The following OSER1 variants were observed in gnomAD, a reference collection of about 807,000 sequenced individuals.
OSER1 encodes oxidative stress responsive serine rich 1, also known as oxidative stress-responsive serine-rich protein 1.
A neutral mutation model predicts 26.3 loss-of-function variants in OSER1; 15 were observed. The observed-to-expected ratio is 0.57, with a 90% CI of 0.38 to 0.88. The LOEUF (loss-of-function observed/expected upper bound fraction) is 0.88. Ranked by LOEUF, OSER1 falls within the 40% of genes least tolerant of loss-of-function variation. OSER1 has a pLI of 0.00. For synonymous variants in OSER1, 127 were observed against 128.2 expected, an observed-to-expected ratio of 0.99 and a Z score of 0.07; for missense variants, 313 against 353.9, an observed-to-expected ratio of 0.88 and a Z score of 0.93.
chr20:44,210,781 C>G (rs2073098151), upstream of OSER1: 1 of 152,548 alleles, frequency 6.6e-6, no homozygotes, highest in South Asian at 2.1e-4. Context: ...TGACCCGGAT[C>G]CAAACCAGCC....
chr20:44,201,537 T>C (rs2072982451), intron 3 of OSER1, among the ~76,000 whole-genome samples: 1 of 152,126 alleles, frequency 6.6e-6, no homozygotes, highest in South Asian at 2.1e-4. Flanking sequence ...GGTGAAAGCA[T>C]GGTGAGGAAA....
rs1569233558 is a variant in OSER1 at position 44,196,793 on chromosome 20, TG to T, written c.*258del. 7.7e-6 allele frequency: 3 copies of T among 388,446 alleles called. No homozygotes were observed. Among genetic ancestry groups the T allele is most frequent in the African/African-American group, 6.0e-5 (3 of 49,800 alleles). The allele number at this position is 388,446 out of a possible 1,614,324, so 24.1% of individuals were successfully genotyped here. A position where few individuals can be genotyped will look rare whatever the true frequency, so the allele number is the denominator to read the frequency against. On this transcript the variant is annotated 3_prime_UTR_variant, in exon 4 of 4. Coordinates refer to ENST00000255174, the MANE Select transcript of OSER1 (RefSeq NM_016470.8). ...CACTGCTGCCAGTCTCAAGTAATTA[TG>T]GTTTCTTCATCCCCCAGGAACATTT...
chr20:44,210,986 T>C (rs1247671177), upstream of OSER1: 3 of 152,240 alleles, frequency 2.0e-5, no homozygotes, highest in African/African-American at 7.2e-5. Context: ...CCTTACGTAA[T>C]TTCCTGTTAT....
Position 44,197,580 on chromosome 20 carries a change from G to A in OSER1, c.351C>T (p.Gly117=), listed in dbSNP as rs774678227. ...GGGATGAAATTCCCAGCCCACTGCT[G>A]CCATCAGGTGAGTCAGTCTGGCTTT... ...KHKSQTDSPD[G]SSGLGISSPK... is the part of the protein sequence containing the mutation. Residue 117 remains glycine, a synonymous_variant, in exon 4 of 4, where the codon GGC becomes GGT. Transcript: ENST00000255174. 2.4e-5 allele frequency: 38 copies of A among 1,614,088 alleles called. No homozygotes were observed. Among genetic ancestry groups the A allele is most frequent in the Non-Finnish European group, 3.1e-5 (36 of 1,180,040 alleles).
chr20:44,198,286 T>C (rs1168483872), intron 3 of OSER1, among the ~76,000 whole-genome samples: 1 of 152,192 alleles, frequency 6.6e-6, no homozygotes, highest in East Asian at 1.9e-4. Flanking sequence ...TTTCAGATAC[T>C]GGGAATTACT....
At chr20:44,205,746 C>T (rs938116675) in intron 2 of OSER1, among the ~76,000 whole-genome samples, 1 of 151,930 alleles carries the variant, frequency 6.6e-6, no homozygotes, top group Non-Finnish European at 1.5e-5. Flanking sequence ...CAAGACCATC[C>T]TGGCTAACAC....
intron 1 of OSER1, chr20:44,207,233 T>C (rs1322632185): frequency 3.9e-6 from 1 of 255,662 alleles, no homozygotes; most frequent in Non-Finnish European, 7.4e-6. Flanking sequence ...AAAATCCTAT[T>C]ACACAATTTT....
chr20:44,200,763 C>T (rs564013044), intron 3 of OSER1, among the ~76,000 whole-genome samples: 1 of 152,318 alleles, frequency 6.6e-6, no homozygotes, highest in African/African-American at 2.4e-5. Flanking sequence ...ATAAGAGACA[C>T]TCTGTAGCAA....
At chr20:44,208,882 C>T (rs992827139) in intron 1 of OSER1, among the ~76,000 whole-genome samples, 1 of 152,224 alleles carries the variant, frequency 6.6e-6, no homozygotes, top group Non-Finnish European at 1.5e-5. Flanking sequence ...CTCTGGAAAT[C>T]AGTCAGCATT....
chr20:44,208,421 C>CT (rs1555868008), intron 1 of OSER1, among the ~76,000 whole-genome samples: 11 of 85,210 alleles, frequency 1.3e-4, no homozygotes, highest in Admixed American at 9.5e-4. Context: ...AATTCAGCTA[C>CT]TAAAAAAAAA....
At chr20:44,199,349 C>T (rs35333403) in intron 3 of OSER1, among the ~76,000 whole-genome samples, 3 of 152,148 alleles carry the variant, frequency 2.0e-5, no homozygotes, top group African/African-American at 7.2e-5. Context: ...GCCGGTTTGG[C>T]TACTTCTCAC....
At chr20:44,205,678 C>T (rs1256292230) in intron 2 of OSER1, among the ~76,000 whole-genome samples, 4 of 152,110 alleles carry the variant, frequency 2.6e-5, no homozygotes, top group Non-Finnish European at 5.9e-5. Context: ...CAGTGGCTCT[C>T]GCCTGTAATC....
At position 44,206,883 on chromosome 20, in the gene OSER1, T is replaced by G. The variant is rs755814981; in HGVS notation, c.75A>C (p.Ser25=). Residue 25 remains serine (S), a splice_region_variant and synonymous_variant, in exon 2 of 4, where the codon TCA becomes TCC. Transcript: ENST00000255174. The part of the protein sequence containing the change: ...TAFKKLRVDA[S]GSVASLSVGE... ...TAATATATTACATATTTAATTACCC[T>G]GATGCATCCACTCTTAATTTTTTGA... is the stretch of plus-strand genomic sequence containing the variant. The G allele has an allele frequency of 1.5e-5, 18 of 1,210,212 alleles. No homozygotes were observed. Among genetic ancestry groups the G allele is most frequent in the Non-Finnish European group, 2.1e-5 (17 of 811,956 alleles). 75.0% of individuals were successfully genotyped at this position (1,210,212 alleles called of 1,614,324 possible).
chr20:44,205,270 T>TA (rs1018789483), intron 2 of OSER1, among the ~76,000 whole-genome samples: 1 of 152,206 alleles, frequency 6.6e-6, no homozygotes, highest in Non-Finnish European at 1.5e-5. Flanking sequence ...TTTCCTGATA[T>TA]AAAAAAATTA....
At chr20:44,202,080 T>C (rs987093999) in intron 3 of OSER1, among the ~76,000 whole-genome samples, 1 of 152,160 alleles carries the variant, frequency 6.6e-6, no homozygotes, top group Non-Finnish European at 1.5e-5. Flanking sequence ...CACAGAACGC[T>C]TGAAAGACTA....
chr20:44,205,579 CTT>C (rs1055333600), intron 2 of OSER1, among the ~76,000 whole-genome samples: 7 of 152,170 alleles, frequency 4.6e-5, no homozygotes, highest in Admixed American at 6.6e-5. Context: ...CTAGTTTTCA[CTT>C]TGTGCTAGGT....
chr20:44,207,036 T>C (rs2073044937), intron 1 of OSER1, 38 bp from the exon 2 acceptor site: 2 of 1,048,290 alleles, frequency 1.9e-6, no homozygotes, highest in Admixed American at 2.0e-5. Context: ...TAAAAACAGG[T>C]GGGATCAAAA....
chr20:44,197,785 T>C lies in OSER1; in HGVS notation c.192-46A>G, dbSNP rs547410699. ...ACAAGAAGATGTTGGGATATGGAGC[T>C]GTCCTAAACAGATTCTTTATGACAG... On this transcript the variant is annotated intron_variant, in intron 3 of 3. Transcript: ENST00000255174. 74 of 1,277,228 alleles carry C rather than the reference T, an allele frequency of 5.8e-5. 1 individual carries two copies. The highest frequency in any genetic ancestry group is 8.1e-5 in the Non-Finnish European group (73 of 899,822). The allele number at this position is 1,277,228 out of a possible 1,614,324, so 79.1% of individuals were successfully genotyped here.
chr20:44,197,216 G>A lies in OSER1; in HGVS notation c.715C>T (p.Gln239Ter). ...ERRSTLEDYS[Q>*]SLHARTLSGS... is the part of the protein sequence containing the mutation. The stretch of plus-strand genomic sequence containing the variant: ...GACAGAGTTCTGGCGTGCAGCGACT[G>A]AGAGTAGTCCTCAAGTGTGGATCTT... The change falls in exon 4 of 4, where the codon CAG (glutamine) becomes TAG (stop). Residue 239 changes from glutamine to a stop codon, truncating the protein, a stop_gained. Coordinates refer to ENST00000255174, the MANE Select transcript of OSER1 (RefSeq NM_016470.8). LOFTEE classifies it high-confidence loss of function. 1 of 1,614,238 alleles carries A rather than the reference G, an allele frequency of 6.2e-7. No homozygotes were observed. Among genetic ancestry groups the A allele is most frequent in the African/African-American group, 1.3e-5 (1 of 75,070 alleles).
Sources: allele counts gnomAD v4.1 joint callset (sites outside exome capture counted in the v4.1 genomes callset), GRCh38; gene constraint gnomAD v4.1.1; transcripts MANE v1.5; gene names NCBI Gene and HGNC (gene_info 2026-07-23, HGNC 2026-07-21).